The following CNTN5 variants were observed in gnomAD, a reference collection of about 807,000 sequenced individuals.
The protein encoded by CNTN5 is contactin 5.
Under a neutral mutation model 129.1 loss-of-function variants are expected in CNTN5, and 77 were observed. The observed-to-expected ratio is 0.60, with a 90% confidence interval of 0.50 to 0.72. The LOEUF is 0.72. Among genes scored for constraint, CNTN5 ranks in the 30% least tolerant of loss-of-function variants. The pLI is 0.00. For missense variants in CNTN5, 1,478 were observed against 1,328.8 expected (o/e 1.11, Z -1.75); for synonymous variants, 509 against 465.6 (o/e 1.09, Z -1.20).
chr11:100,238,426 A>T (rs1197593437), intron 16 of CNTN5, among the ~76,000 whole-genome samples: 4 of 148,840 alleles, frequency 2.7e-5, no homozygotes, highest in African/African-American at 9.9e-5. Context: ...AAAAAAAAAA[A>T]AAAAGGAGAA....
chr11:99,270,066 C>T (rs930191949), intron 1 of CNTN5, among the ~76,000 whole-genome samples: 2 of 151,734 alleles, frequency 1.3e-5, no homozygotes, highest in South Asian at 2.1e-4. Flanking sequence ...ACTTACCAGT[C>T]GTGTACGTTT....
At chr11:99,875,918 A>G (rs1274789928) in intron 6 of CNTN5, among the ~76,000 whole-genome samples, 2 of 152,140 alleles carry the variant, frequency 1.3e-5, no homozygotes, top group African/African-American at 2.4e-5. Flanking sequence ...CATAAAAGGA[A>G]ATCACAAAAG....
chr11:100,273,821 G>A (rs556437560), intron 18 of CNTN5, among the ~76,000 whole-genome samples: 2 of 152,234 alleles, frequency 1.3e-5, no homozygotes, highest in East Asian at 1.9e-4. Flanking sequence ...TAGAGTTCAT[G>A]GTATTTCTAT....
chr11:99,633,366 T>C (rs532592123), intron 3 of CNTN5, among the ~76,000 whole-genome samples: 32 of 152,228 alleles, frequency 2.1e-4, no homozygotes, highest in Non-Finnish European at 4.4e-4. Context: ...ATATTTCTGC[T>C]AATTTTCAGA....
At chr11:99,527,994 T>G (rs1947553150) in intron 2 of CNTN5, among the ~76,000 whole-genome samples, 1 of 152,156 alleles carries the variant, frequency 6.6e-6, no homozygotes, top group Admixed American at 6.5e-5. Flanking sequence ...TTTTTACAAA[T>G]AACTGGGCCA....
intron 1 of CNTN5, among the ~76,000 whole-genome samples, chr11:99,116,930 T>C (rs1352845576): frequency 1.3e-5 from 2 of 152,174 alleles, no homozygotes; most frequent in Admixed American, 6.5e-5. Flanking sequence ...TTCTGGGATG[T>C]AATTTGAGAG....
chr11:99,328,173 C>G (rs1405248284), intron 2 of CNTN5, among the ~76,000 whole-genome samples: 1 of 152,192 alleles, frequency 6.6e-6, no homozygotes, highest in Non-Finnish European at 1.5e-5. Context: ...TCGTTTGCGA[C>G]ATAAGTATTG....
At chr11:99,756,764 A>G (rs1200387107) in intron 3 of CNTN5, among the ~76,000 whole-genome samples, 1 of 152,108 alleles carries the variant, frequency 6.6e-6, no homozygotes, top group African/African-American at 2.4e-5. Flanking sequence ...TAAGAAAGAA[A>G]TGAGGCTTAA....
chr11:100,160,730 G>A (rs1487269820), intron 13 of CNTN5, among the ~76,000 whole-genome samples: 1 of 151,858 alleles, frequency 6.6e-6, no homozygotes, highest in Non-Finnish European at 1.5e-5. Context: ...GGATAATAAT[G>A]ACAACTAACA....
At chr11:100,115,374 G>A (rs970513293) in intron 13 of CNTN5, among the ~76,000 whole-genome samples, 10 of 152,044 alleles carry the variant, frequency 6.6e-5, no homozygotes, top group African/African-American at 2.4e-4. Context: ...CATTTATTGA[G>A]TGACTATTAT....
rs201697869 is a variant in CNTN5, at chr11:99,962,891, C to A, written c.877+5882C>A. On this transcript the variant is annotated intron_variant, in intron 8 of 24. Transcript: ENST00000524871. Reference sequence around the variant, plus strand: ...GATATCTCATTGTGGTTTTGATTTGCATTTCTCTGATGGCCAGTGATGATG... The same window carrying A: ...GATATCTCATTGTGGTTTTGATTTGAATTTCTCTGATGGCCAGTGATGATG... Among the ~76,000 whole-genome samples the A allele has an allele frequency of 4.0e-3, 606 of 150,596 alleles. 5 individuals are homozygous for A. The highest frequency in any genetic ancestry group is 0.013 in the African/African-American group (539 of 40,408).
Position 100,151,392 on chromosome 11 carries a change from C to T in CNTN5, c.1581-39734C>T, listed in dbSNP as rs181484718. Among the ~76,000 whole-genome samples, 571 of 151,950 alleles carry T rather than the reference C, an allele frequency of 3.8e-3. 3 individuals carry two copies. Among genetic ancestry groups the T allele is most frequent in the Non-Finnish European group, 4.0e-3 (275 of 67,986 alleles). On this transcript the variant is annotated intron_variant, in intron 13 of 24. Transcript: ENST00000524871. ...CATTGAGTCTATGTTCTAGTGTATG[C>T]GTGAAGGGGTAGGGGGAGACAGACA...
rs1278940494 is a variant in CNTN5, at chr11:100,167,867, C to T, written c.1581-23259C>T. Among the ~76,000 whole-genome samples the T allele has an allele frequency of 2.0e-5, 3 of 151,902 alleles. No individual in the cohort carries two copies. The South Asian group carries it at 6.2e-4, about 31-fold the overall frequency. On this transcript the variant is annotated intron_variant, in intron 13 of 24. Transcript: ENST00000524871. ...TAGGCCTCTTGTGGCAGACAGTTAG[C>T]CAAGCTGTGAATGCAACGGAAAAGT...
intron 18 of CNTN5, among the ~76,000 whole-genome samples, chr11:100,293,468 G>T (rs1041579789): frequency 6.6e-6 from 1 of 151,820 alleles, no homozygotes; most frequent in South Asian, 2.1e-4. Flanking sequence ...TCAAGATTGC[G>T]TGTGTATAGA....
intron 2 of CNTN5, among the ~76,000 whole-genome samples, chr11:99,412,320 A>G (rs985573639): frequency 2.2e-4 from 33 of 152,306 alleles, no homozygotes; most frequent in Admixed American, 2.0e-3. Flanking sequence ...TTTTTTGAAT[A>G]TGTTCTTTAT....
intron 3 of CNTN5, among the ~76,000 whole-genome samples, chr11:99,724,136 T>C (rs1030978689): frequency 1.3e-5 from 2 of 152,188 alleles, no homozygotes; most frequent in East Asian, 1.9e-4. Flanking sequence ...CAGTCATTCA[T>C]GTGAACAGGC....
intron 15 of CNTN5, among the ~76,000 whole-genome samples, chr11:100,194,500 C>G (rs1244923669): frequency 6.6e-6 from 1 of 151,678 alleles, no homozygotes; most frequent in African/African-American, 2.4e-5. Flanking sequence ...GTTGATCCAT[C>G]CTGAAACACT....
chr11:99,363,304 A>G (rs921008997), intron 2 of CNTN5, among the ~76,000 whole-genome samples: 5 of 152,144 alleles, frequency 3.3e-5, no homozygotes, highest in African/African-American at 4.8e-5. Flanking sequence ...TTACTGCTTA[A>G]GTAATTTCTC....
chr11:100,041,517 T>A (rs1942379464), intron 9 of CNTN5, among the ~76,000 whole-genome samples: 1 of 152,182 alleles, frequency 6.6e-6, no homozygotes, highest in Non-Finnish European at 1.5e-5. Context: ...CTTACTCTTG[T>A]TCCTTGGCAA....
Sources: gnomAD v4.1 joint callset for allele counts (sites outside exome capture counted in the v4.1 genomes callset) on GRCh38, gnomAD v4.1.1 for gene constraint, MANE v1.5 for transcripts, NCBI Gene and HGNC (gene_info 2026-07-23, HGNC 2026-07-21) for gene names.